GREB1L: variants seen among roughly 807,000 people sequenced by gnomAD.
The protein encoded by GREB1L is GREB1-like protein.
Under a neutral mutation model 200.8 loss-of-function variants are expected in GREB1L, and 17 were observed. The ratio of observed to expected loss-of-function variants is 0.08; its 90% confidence interval spans 0.06 to 0.13. The LOEUF (loss-of-function observed/expected upper bound fraction) is 0.13, where lower values mean the gene tolerates loss of function less well. Ranked by LOEUF, GREB1L falls within the 10% of genes least tolerant of loss-of-function variation. GREB1L has a pLI of 1.00. For missense variants in GREB1L, 1,657 were observed against 2,367.7 expected (o/e 0.70, Z 6.23); for synonymous variants, 789 against 893.0 (o/e 0.88, Z 2.08).
intron 4 of GREB1L, among the ~76,000 whole-genome samples, chr18:21,394,436 T>C (rs1358272899): frequency 6.6e-6 from 1 of 152,250 alleles, no homozygotes; most frequent in Non-Finnish European, 1.5e-5. Flanking sequence ...TGTGAGTTCT[T>C]GGAGGAAGTT....
At chr18:21,461,657 C>T (rs1378249785) in intron 15 of GREB1L, among the ~76,000 whole-genome samples, 2 of 152,112 alleles carry the variant, frequency 1.3e-5, no homozygotes, top group African/African-American at 2.4e-5. Flanking sequence ...TGTGTGTGTG[C>T]GTGGTGCTCA....
chr18:21,327,399 G>C (rs376670897), intron 1 of GREB1L, among the ~76,000 whole-genome samples: 1 of 151,984 alleles, frequency 6.6e-6, no homozygotes, highest in Non-Finnish European at 1.5e-5. Flanking sequence ...AGCATCCTAC[G>C]TAAGCCTTAA....
At chr18:21,371,903 A>T (rs73962948) in intron 2 of GREB1L, among the ~76,000 whole-genome samples, 1,860 of 152,260 alleles carry the variant, frequency 0.012, 40 homozygotes, top group African/African-American at 0.042. Context: ...TTTCACAAAA[A>T]TCTATGAAAT....
chr18:21,504,155 C>G (rs1477972542), intron 23 of GREB1L, among the ~76,000 whole-genome samples: 1 of 152,170 alleles, frequency 6.6e-6, no homozygotes, highest in Non-Finnish European at 1.5e-5. Flanking sequence ...AATTCCTGAC[C>G]TCAAATGATC....
intron 1 of GREB1L, among the ~76,000 whole-genome samples, chr18:21,260,184 G>T (rs1046488563): frequency 6.6e-6 from 1 of 151,716 alleles, no homozygotes; most frequent in Non-Finnish European, 1.5e-5. Context: ...TAGAAATTTG[G>T]ATTTTCAGCA....
chr18:21,500,503 G>C, intron 22 of GREB1L, 37 bp from the exon 23 acceptor site: 1 of 1,405,204 alleles, frequency 7.1e-7, no homozygotes. Context: ...TCTCTTTCCC[G>C]CCTCCACTCC....
At position 21,412,237 on chromosome 18, in the gene GREB1L, C is replaced by A. The variant is rs1162370845; in HGVS notation, c.832+8243C>A. 5.8e-4 allele frequency among the ~76,000 whole-genome samples: 75 copies of A among 128,714 alleles called. 1 individual carries two copies. The highest frequency in any genetic ancestry group is 2.7e-3 in the African/African-American group (73 of 26,548). The allele number at this position is 128,714 out of a possible 152,430, so 84.4% of individuals were successfully genotyped here. ...TGAACATAGTGAAATCTTGTCTCTA[C>A]AAAAAATACAAAAAAAAAATTAAAA... On this transcript the variant is annotated intron_variant, in intron 7 of 32. Transcript: ENST00000424526.
chr18:21,250,749 G>A (rs2037688954), intron 1 of GREB1L, among the ~76,000 whole-genome samples: 1 of 152,156 alleles, frequency 6.6e-6, no homozygotes, highest in Non-Finnish European at 1.5e-5. Context: ...TCAGAGGGTG[G>A]GGGAACCTTT....
At chr18:21,264,118 T>C (rs190104045) in intron 1 of GREB1L, among the ~76,000 whole-genome samples, 307 of 152,278 alleles carry the variant, frequency 2.0e-3, no homozygotes, top group Non-Finnish European at 3.4e-3. Context: ...TTCATTTGTG[T>C]AGATAAAGGT....
At chr18:21,375,786 A>T (rs1328041215) in intron 2 of GREB1L, among the ~76,000 whole-genome samples, 1 of 152,154 alleles carries the variant, frequency 6.6e-6, no homozygotes, top group African/African-American at 2.4e-5. Context: ...GAGTAATAAT[A>T]GTGCTTGCTC....
chr18:21,347,096 G>A (rs572264498), intron 1 of GREB1L, among the ~76,000 whole-genome samples: 1 of 152,028 alleles, frequency 6.6e-6, no homozygotes, highest in Admixed American at 6.6e-5. Context: ...TGACCAATAT[G>A]GTGAAACCCC....
chr18:21,268,520 T>TACACACACACAC (rs1223067944), intron 1 of GREB1L, among the ~76,000 whole-genome samples: 1 of 75,044 alleles, frequency 1.3e-5, no homozygotes, highest in Non-Finnish European at 2.3e-5. Context: ...TGTATATATA[T>TACACACACACAC]ATACACACAC....
At chr18:21,446,574 A>C (rs900456969) in intron 11 of GREB1L, among the ~76,000 whole-genome samples, 3 of 152,156 alleles carry the variant, frequency 2.0e-5, no homozygotes, top group African/African-American at 7.2e-5. Flanking sequence ...ATGAATAGCT[A>C]TTTCTCTTTT....
chr18:21,317,857 A>G (rs1399528852), intron 1 of GREB1L: 1 of 152,328 alleles, frequency 6.6e-6, no homozygotes, highest in Non-Finnish European at 1.5e-5. Context: ...CACACCTGTA[A>G]TCCCAGCACT....
intron 1 of GREB1L, among the ~76,000 whole-genome samples, chr18:21,247,255 C>T (rs1374273527): frequency 6.6e-6 from 1 of 152,168 alleles, no homozygotes; most frequent in East Asian, 1.9e-4. Context: ...TTGTTTTTGA[C>T]CTGCCTATGA....
intron 7 of GREB1L, among the ~76,000 whole-genome samples, chr18:21,430,231 A>G (rs1188320478): frequency 6.6e-6 from 1 of 152,128 alleles, no homozygotes; most frequent in East Asian, 1.9e-4. Context: ...AATTCAGTCT[A>G]TAACAATGGC....
intron 1 of GREB1L, among the ~76,000 whole-genome samples, chr18:21,252,823 C>T (rs1189308107): frequency 6.6e-6 from 1 of 152,110 alleles, no homozygotes; most frequent in Admixed American, 6.5e-5. Flanking sequence ...AGCACCACTG[C>T]ACTCCAGCCT....
At chr18:21,285,269 G>T (rs2038337046) in intron 1 of GREB1L, among the ~76,000 whole-genome samples, 1 of 151,604 alleles carries the variant, frequency 6.6e-6, no homozygotes, top group African/African-American at 2.4e-5. Flanking sequence ...TTTTTATTTT[G>T]TCACTTATAT....
intron 17 of GREB1L, among the ~76,000 whole-genome samples, chr18:21,483,093 AC>A (rs1389372197): frequency 6.6e-6 from 1 of 152,198 alleles, no homozygotes; most frequent in Non-Finnish European, 1.5e-5. Context: ...CAAAACCCAT[AC>A]TGGCTCTAGT....
Sources: gnomAD v4.1 joint callset for allele counts (sites outside exome capture counted in the v4.1 genomes callset) on GRCh38, gnomAD v4.1.1 for gene constraint, MANE v1.5 for transcripts, NCBI Gene and HGNC (gene_info 2026-07-23, HGNC 2026-07-21) for gene names.